The following IL12RB2 variants were observed in gnomAD, a reference collection of about 807,000 sequenced individuals.
IL12RB2 encodes the protein interleukin-12 receptor subunit beta-2.
Under a neutral mutation model 89.4 loss-of-function variants are expected in IL12RB2, and 82 were observed. The ratio of observed to expected loss-of-function variants is 0.92; its 90% CI spans 0.77 to 1.10. The LOEUF (loss-of-function observed/expected upper bound fraction) is 1.10, where lower values mean the gene tolerates loss of function less well. IL12RB2 is among the 50% of genes least tolerant of loss of function. The pLI is 0.00. For synonymous variants in IL12RB2, 368 were observed against 370.1 expected (o/e 0.99, Z 0.07); for missense variants, 963 against 1,031.9 (o/e 0.93, Z 0.92).
intron 9 of IL12RB2, among the ~76,000 whole-genome samples, chr1:67,349,948 A>T (rs1660646656): frequency 6.6e-6 from 1 of 152,254 alleles, no homozygotes; most frequent in Admixed American, 6.5e-5. Context: ...TCGACAGAGG[A>T]AACCAAATTA....
chr1:67,329,447 T>C lies in IL12RB2; in HGVS notation c.665-140T>C, dbSNP rs1657763501. ...TCTTTCTTAAAGCCTGGAACTTTTC[T>C]CTTGTATATTTTACCAAATTTGATG... On this transcript the variant is annotated intron_variant, in intron 6 of 16. Transcript: ENST00000674203. 7 of 696,596 alleles carry C rather than the reference T, an allele frequency of 1.0e-5. No homozygotes were observed. In the South Asian group the frequency reaches 1.1e-4, roughly 11 times the overall value. 43.2% of individuals were successfully genotyped at this position (696,596 alleles called of 1,614,324 possible). A position where few individuals can be genotyped will look rare whatever the true frequency, so the allele number is the denominator to read the frequency against.
Position 67,326,721 on chromosome 1 carries a change from T to C in IL12RB2, c.365-14T>C, listed in dbSNP as rs1275522856. On this transcript the variant is annotated splice_polypyrimidine_tract_variant and intron_variant, in intron 4 of 16. Transcript: ENST00000674203. ...CCTGTGTGATATATAAGGTTTTGTC[T>C]TTTCTTTTTAAAGTTGCTCCAGAAC... The C allele has an allele frequency of 1.9e-6, 3 of 1,611,286 alleles. No homozygotes were observed. The Admixed American group carries it at 5.0e-5, about 27-fold the overall frequency.
chr1:67,310,378 A>T (rs111736059), intron 1 of IL12RB2, among the ~76,000 whole-genome samples: 33 of 152,252 alleles, frequency 2.2e-4, no homozygotes, highest in African/African-American at 7.7e-4. Context: ...AATATAAAGA[A>T]ATGTAAGGCC....
At chr1:67,337,223 G>A (rs1488899323) in intron 8 of IL12RB2, among the ~76,000 whole-genome samples, 2 of 152,060 alleles carry the variant, frequency 1.3e-5, no homozygotes, top group African/African-American at 4.8e-5. Flanking sequence ...TAATTTTCTA[G>A]AAATTTCCAT....
chr1:67,372,792 G>A lies in IL12RB2; in HGVS notation c.1717+9G>A, dbSNP rs1570116659. 2 of 1,591,824 alleles carry A rather than the reference G, an allele frequency of 1.3e-6. No individual in the cohort carries two copies. Among genetic ancestry groups the A allele is most frequent in the South Asian group, 1.1e-5 (1 of 90,654 alleles). ...CCAGCCTCAGCTCTGTGGTATGTGT[G>A]AGAACCAAATGCAGTGAGTGGGGCC... On this transcript the variant is annotated intron_variant, in intron 13 of 16. Coordinates refer to ENST00000674203, the MANE Select transcript of IL12RB2 (RefSeq NM_001374259.2).
chr1:67,357,789 A>AT (rs1661561025), intron 10 of IL12RB2, among the ~76,000 whole-genome samples: 1 of 152,250 alleles, frequency 6.6e-6, no homozygotes, highest in South Asian at 2.1e-4. Flanking sequence ...TGATCTGAAG[A>AT]TTAAATTAGT....
At chr1:67,374,568 C>T (rs375663663) in intron 13 of IL12RB2, among the ~76,000 whole-genome samples, 14 of 151,692 alleles carry the variant, frequency 9.2e-5, no homozygotes, top group South Asian at 6.3e-4. Context: ...CTCTACCTCC[C>T]GGGTTCAAGT....
intron 4 of IL12RB2, among the ~76,000 whole-genome samples, chr1:67,322,436 CAAAA>C (rs56249028): frequency 0.16 from 20,143 of 126,916 alleles, 1,499 homozygotes; most frequent in Middle Eastern, 0.23. Flanking sequence ...CTGACTCCAG[CAAAA>C]AAAAAAAAAA....
chr1:67,379,932 C>T (rs1201681121), intron 13 of IL12RB2, 54 bp from the exon 14 acceptor site: 12 of 1,307,190 alleles, frequency 9.2e-6, no homozygotes, highest in Non-Finnish European at 1.3e-5. Context: ...TAGAAGCCTA[C>T]ATTAAAAGCC....
chr1:67,369,568 TG>T (rs1454451687), intron 11 of IL12RB2, among the ~76,000 whole-genome samples: 1 of 152,154 alleles, frequency 6.6e-6, no homozygotes, highest in African/African-American at 2.4e-5. Context: ...CAGGTGAAAG[TG>T]AATAGAAAAA....
At chr1:67,325,572 T>A (rs1020128109) in intron 4 of IL12RB2, among the ~76,000 whole-genome samples, 3 of 152,372 alleles carry the variant, frequency 2.0e-5, no homozygotes, top group Admixed American at 2.0e-4. Context: ...AAAAGAGACT[T>A]TTTTAAAGGA....
chr1:67,389,962 G>T, intron 15 of IL12RB2, 67 bp from the exon 16 acceptor site: 1 of 840,246 alleles, frequency 1.2e-6, no homozygotes, highest in South Asian at 1.3e-5. Context: ...TTACTGCACT[G>T]AGAACCTGTG....
rs149208943 is a variant in IL12RB2, at chr1:67,351,224, CT to C, written c.1258+144del. On this transcript the variant is annotated intron_variant, in intron 10 of 16. Transcript: ENST00000674203. ...CTTTGGAGTCAACAGCTTTCAGAGG[CT>C]TTTTTTTTCTTTTCCAATCAGCCTA... 8.1e-4 allele frequency: 1,171 copies of C among 1,438,928 alleles called. 15 individuals are homozygous for C. In the African/African-American group the frequency reaches 0.014, roughly 17 times the overall value. 89.1% of individuals were successfully genotyped at this position (1,438,928 alleles called of 1,614,324 possible).
intron 14 of IL12RB2, among the ~76,000 whole-genome samples, chr1:67,385,342 C>A (rs1384229886): frequency 6.6e-6 from 1 of 152,164 alleles, no homozygotes; most frequent in Admixed American, 6.5e-5. Flanking sequence ...CCATCAGATT[C>A]TTGTGAGAAC....
intron 9 of IL12RB2, among the ~76,000 whole-genome samples, chr1:67,346,378 A>ATT (rs10577525): frequency 2.1e-5 from 2 of 93,890 alleles, no homozygotes; most frequent in African/African-American, 5.1e-5. Context: ...AGGGTTGTCT[A>ATT]TTTTTTTTTT....
intron 14 of IL12RB2, among the ~76,000 whole-genome samples, chr1:67,386,208 CAAAAAAAAAAAAAAA>C (rs755471388): frequency 1.8e-5 from 1 of 54,572 alleles, no homozygotes; most frequent in East Asian, 7.0e-4. Context: ...GACTCCATCT[CAAAAAAAAAAAAAAA>C]AAAAAAAAAG....
chr1:67,356,372 T>C (rs554661893), intron 10 of IL12RB2, among the ~76,000 whole-genome samples: 2 of 152,270 alleles, frequency 1.3e-5, no homozygotes, highest in East Asian at 3.9e-4. Flanking sequence ...GGGTAGGAAA[T>C]TCTGGGGAGC....
At chr1:67,323,282 G>T (rs1000247276) in intron 4 of IL12RB2, among the ~76,000 whole-genome samples, 2 of 152,174 alleles carry the variant, frequency 1.3e-5, no homozygotes, top group African/African-American at 4.8e-5. Flanking sequence ...CCAGCTCAGG[G>T]CCTCCTGTTC....
At chr1:67,364,061 C>T (rs1018798467) in intron 10 of IL12RB2, among the ~76,000 whole-genome samples, 1 of 152,074 alleles carries the variant, frequency 6.6e-6, no homozygotes, top group Non-Finnish European at 1.5e-5. Flanking sequence ...AAAACAAGAC[C>T]CAACTATAGT....
Sources: allele counts gnomAD v4.1 joint callset (sites outside exome capture counted in the v4.1 genomes callset), GRCh38; gene constraint gnomAD v4.1.1; transcripts MANE v1.5; gene names NCBI Gene and HGNC (gene_info 2026-07-23, HGNC 2026-07-21).